Variants in FCRL5 observed in about 807,000 individuals in gnomAD.
The protein encoded by FCRL5 is Fc receptor like 5, also known as Fc receptor-like protein 5.
A neutral mutation model predicts 92.1 loss-of-function variants in FCRL5; 79 were observed. That is an observed-to-expected ratio of 0.86 (90% confidence interval 0.72 to 1.03). FCRL5 has a LOEUF of 1.03. Among genes scored for constraint, FCRL5 ranks in the 50% least tolerant of loss-of-function variants. The probability of loss-of-function intolerance (pLI) is 0.00; values close to 1 mark genes in which losing one functional copy is unlikely to be tolerated. For synonymous variants in FCRL5, 466 were observed against 469.3 expected (o/e 0.99, Z 0.09); for missense variants, 1,160 against 1,181.1 (o/e 0.98, Z 0.26).
At chr1:157,539,907 A>G (rs1396991689) in intron 6 of FCRL5, among the ~76,000 whole-genome samples, 2 of 152,248 alleles carry the variant, frequency 1.3e-5, no homozygotes, top group African/African-American at 4.8e-5. Flanking sequence ...TACTTTTAAA[A>G]AAATTTCTTC....
At chr1:157,519,517 G>A (rs3811033) in intron 13 of FCRL5, among the ~76,000 whole-genome samples, 19,991 of 152,156 alleles carry the variant, frequency 0.13, 1,692 homozygotes, top group Middle Eastern at 0.21. Flanking sequence ...AAATGAAAAG[G>A]CAATTAATAC....
rs1426797589 is a variant in FCRL5, at chr1:157,552,374, C to T, written c.-12G>A. 6.2e-7 allele frequency: 1 copy of T among 1,614,024 alleles called. No homozygotes were observed. The highest frequency in any genetic ancestry group is 2.2e-5 in the East Asian group (1 of 44,876). On this transcript the variant is annotated 5_prime_UTR_variant, in exon 1 of 17. Coordinates refer to ENST00000361835, the MANE Select transcript of FCRL5 (RefSeq NM_031281.3). ...ACCCACAGCAGCATGAAGACCTGGA[C>T]CACCAAGGGCTGAGATCAAAAGAGA... is the stretch of plus-strand genomic sequence containing the variant.
intron 8 of FCRL5, 35 bp from the exon 9 acceptor site, chr1:157,527,930 T>G (rs1208031357): frequency 1.3e-6 from 2 of 1,509,906 alleles, no homozygotes; most frequent in African/African-American, 1.4e-5. Context: ...CACATGTATT[T>G]TTAAAATTAG....
intron 2 of FCRL5, among the ~76,000 whole-genome samples, chr1:157,548,072 C>G (rs1571114725): frequency 1.3e-5 from 2 of 152,318 alleles, no homozygotes; most frequent in Admixed American, 1.3e-4. Flanking sequence ...AGGATCCTAT[C>G]CTGAGTCAAT....
At chr1:157,530,165 G>A (rs1055463314) in intron 8 of FCRL5, among the ~76,000 whole-genome samples, 6 of 151,936 alleles carry the variant, frequency 3.9e-5, no homozygotes, top group South Asian at 2.1e-4. Context: ...AATCACACAC[G>A]TGCATGGGAT....
At chr1:157,540,180 T>C (rs1651189972) in intron 6 of FCRL5, among the ~76,000 whole-genome samples, 1 of 152,246 alleles carries the variant, frequency 6.6e-6, no homozygotes, top group Non-Finnish European at 1.5e-5. Flanking sequence ...CCAGCTCTCC[T>C]GTCCTCCATC....
intron 9 of FCRL5, 84 bp from the exon 10 acceptor site, chr1:157,524,641 T>C: frequency 2.8e-6 from 4 of 1,417,488 alleles, no homozygotes; most frequent in Non-Finnish European, 9.5e-7. Context: ...TGGAAGAATG[T>C]TTTTCTCAGT....
chr1:157,521,227 G>A lies in FCRL5; in HGVS notation c.2305C>T (p.Leu769=). The change falls in exon 11 of 17, where the codon CTG becomes TTG. Residue 769 remains leucine, a synonymous_variant. Transcript: ENST00000361835. ...PGTHAAVGDL[L]ELHCEALRGS... ...CTCAGGGCCTCACAGTGAAGCTCCA[G>A]CAGGTCCCCCACCGCAGCATGGGTC... The A allele has an allele frequency of 6.2e-7, 1 of 1,614,132 alleles. No homozygotes were observed. The highest frequency in any genetic ancestry group is 1.6e-4 in the Middle Eastern group (1 of 6,062).
Position 157,524,504 on chromosome 1 carries a change from C to T in FCRL5, c.2014G>A (p.Val672Met), listed in dbSNP as rs140442789. The T allele has an allele frequency of 2.5e-5, 40 of 1,613,876 alleles. No homozygotes were observed. Among genetic ancestry groups the T allele is most frequent in the Non-Finnish European group, 3.1e-5 (36 of 1,179,870 alleles). Residue 672 changes from valine (V) to methionine (M), a missense_variant, in exon 10 of 17, where the codon GTG becomes ATG. Coordinates refer to ENST00000361835, the MANE Select transcript of FCRL5 (RefSeq NM_031281.3). ...TFRAPRAQAVVGDLLELHCEA... is the reference protein window; with the variant it reads ...TFRAPRAQAVMGDLLELHCEA... ...CAGTGAAGCTCCAGCAGGTCCCCCA[C>T]CACAGCCTGGGCCCTGGGAGCCCTG...
Position 157,524,575 on chromosome 1 carries a change from T to C in FCRL5, c.1961-18A>G. Reference sequence around the variant, plus strand: ...TACTGGAACTGAGGGAGGAAAAACGTTATGTATCAGCTGCTTCTGCTAAAA... The same window carrying C: ...TACTGGAACTGAGGGAGGAAAAACGCTATGTATCAGCTGCTTCTGCTAAAA... On this transcript the variant is annotated intron_variant, in intron 9 of 16. Transcript: ENST00000361835. 2 of 1,561,912 alleles carry C rather than the reference T, an allele frequency of 1.3e-6. No individual in the cohort carries two copies. The highest frequency in any genetic ancestry group is 1.7e-6 in the Non-Finnish European group (2 of 1,154,122).
At chr1:157,532,400 C>G (rs540268313) in intron 8 of FCRL5, 2 of 152,178 alleles carry the variant, frequency 1.3e-5, no homozygotes, top group African/African-American at 4.8e-5. Flanking sequence ...ACAAAATGGA[C>G]ATTTTGAAAT....
chr1:157,529,245 C>T (rs1198898933), intron 8 of FCRL5, among the ~76,000 whole-genome samples: 13 of 152,152 alleles, frequency 8.5e-5, no homozygotes, highest in South Asian at 6.2e-4. Flanking sequence ...AACCACAATG[C>T]GATACCACCT....
chr1:157,523,385 A>T (rs1011672487), intron 10 of FCRL5, among the ~76,000 whole-genome samples: 1 of 152,240 alleles, frequency 6.6e-6, no homozygotes, highest in Non-Finnish European at 1.5e-5. Flanking sequence ...AGGACAAAGG[A>T]TGATCATGAT....
chr1:157,542,783 A>G (rs1651327814), intron 6 of FCRL5, 76 bp downstream of exon 6: 2 of 1,517,682 alleles, frequency 1.3e-6, no homozygotes, highest in East Asian at 4.5e-5. Context: ...TGGAAGGTAT[A>G]TGCTGACTTC....
chr1:157,524,805 C>T (rs1650358207), intron 9 of FCRL5, among the ~76,000 whole-genome samples: 1 of 152,110 alleles, frequency 6.6e-6, no homozygotes, highest in South Asian at 2.1e-4. Flanking sequence ...TAAACTGAAA[C>T]TCAGGTGTCT....
Position 157,515,846 on chromosome 1 carries a change from T to C in FCRL5, c.2840A>G (p.Asn947Ser). The change falls in exon 16 of 17, where the codon AAC becomes AGC. Residue 947 changes from asparagine (N) to serine (S), a missense_variant. By Grantham distance (46) the Asn-to-Ser change is conservative (BLOSUM62 1). Coordinates refer to ENST00000361835, the MANE Select transcript of FCRL5 (RefSeq NM_031281.3). Reference sequence around the variant, plus strand: ...CATGCAGAAGGGGAGACTCACCTTGTTCCTGAGATGCCTGGGGTCAGAGGC... The same window carrying C: ...CATGCAGAAGGGGAGACTCACCTTGCTCCTGAGATGCCTGGGGTCAGAGGC... The part of the protein sequence containing the change: ...AVASDPRHLR[N>S]KGSPIIYSEV... The C allele has an allele frequency of 6.2e-7, 1 of 1,614,050 alleles. No individual in the cohort carries two copies. The highest frequency in any genetic ancestry group is 8.5e-7 in the Non-Finnish European group (1 of 1,180,008).
At chr1:157,539,903 T>A (rs541637562) in intron 6 of FCRL5, among the ~76,000 whole-genome samples, 12 of 152,336 alleles carry the variant, frequency 7.9e-5, no homozygotes, top group South Asian at 4.1e-4. Context: ...CACATACTTT[T>A]AAAAAAATTT....
In FCRL5 at chr1:157,539,331, G is replaced by A. The variant is rs1033872352; in HGVS notation, c.1157C>T (p.Ser386Phe). ...TCCCTCAAAAATCAGGTCCTCAGGA[G>A]AGCTGAGGTTGAGGACAGGATGAGA... ...PVSHPVLNLSSPEDLIFEGAK... is the reference protein window; with the variant it reads ...PVSHPVLNLSFPEDLIFEGAK... The change falls in exon 7 of 17, where the codon TCT (serine) becomes TTT (phenylalanine). Residue 386 changes from serine (S) to phenylalanine (F), a missense_variant. Transcript: ENST00000361835. 1.2e-5 allele frequency: 19 copies of A among 1,613,836 alleles called. No homozygotes were observed. The highest frequency in any genetic ancestry group is 1.6e-5 in the Non-Finnish European group (19 of 1,179,912).
At chr1:157,535,749 T>C (rs1246856651) in intron 7 of FCRL5, among the ~76,000 whole-genome samples, 6 of 152,154 alleles carry the variant, frequency 3.9e-5, no homozygotes, top group Non-Finnish European at 1.5e-5. Flanking sequence ...GACACTAAGT[T>C]AATCATCAAA....
Sources: allele counts gnomAD v4.1 joint callset (sites outside exome capture counted in the v4.1 genomes callset), GRCh38; gene constraint gnomAD v4.1.1; transcripts MANE v1.5; gene names NCBI Gene and HGNC (gene_info 2026-07-23, HGNC 2026-07-21).